C12orf42: variants seen among roughly 807,000 people sequenced by gnomAD.
C12orf42 encodes the protein chromosome 12 open reading frame 42.
C12orf42 carries 25 observed loss-of-function variants against 21.6 expected under a neutral mutation model. The ratio of observed to expected loss-of-function variants is 1.16; its 90% CI spans 0.84 to 1.62. The LOEUF (loss-of-function observed/expected upper bound fraction) is 1.62. Among genes scored for constraint, C12orf42 ranks in the 40% most tolerant of loss-of-function variants. The probability of loss-of-function intolerance (pLI) is 0.00; values close to 1 mark genes in which losing one functional copy is unlikely to be tolerated. For synonymous variants in C12orf42, 174 were observed against 175.0 expected, an observed-to-expected ratio of 0.99 and a Z score of 0.05; for missense variants, 483 against 459.3, an observed-to-expected ratio of 1.05 and a Z score of -0.47.
At chr12:103,501,965 C>T in the C12orf42 span, among the ~76,000 whole-genome samples, 73 of 152,316 alleles carry the variant, frequency 4.8e-4, no homozygotes, top group Non-Finnish European at 6.3e-4. Context: ...AGCTGCGCTA[C>T]ATTGAAAGCA....
chr12:103,489,011 T>G (rs1955016361), intron 1 of C12orf42, among the ~76,000 whole-genome samples: 1 of 152,234 alleles, frequency 6.6e-6, no homozygotes, highest in Non-Finnish European at 1.5e-5. Context: ...CTGCAACACT[T>G]TGGAGGAGAA....
At chr12:103,085,951 C>G in the C12orf42 span, among the ~76,000 whole-genome samples, 2 of 152,304 alleles carry the variant, frequency 1.3e-5, no homozygotes, top group East Asian at 3.9e-4. Flanking sequence ...AAGCTCCATA[C>G]AGAATGGTCT....
At chr12:103,062,672 G>A in the C12orf42 span, among the ~76,000 whole-genome samples, 1 of 152,018 alleles carries the variant, frequency 6.6e-6, no homozygotes, top group Non-Finnish European at 1.5e-5. Context: ...TAAAATTTTT[G>A]TTTGAATTTT....
At chr12:103,148,496 A>G in the C12orf42 span, among the ~76,000 whole-genome samples, 2 of 151,990 alleles carry the variant, frequency 1.3e-5, no homozygotes, top group South Asian at 2.1e-4. Flanking sequence ...ATGATGGTCT[A>G]GTTCAATTTC....
chr12:103,156,791 C>T, the C12orf42 span, among the ~76,000 whole-genome samples: 21 of 152,134 alleles, frequency 1.4e-4, no homozygotes, highest in African/African-American at 4.8e-4. Context: ...CATGTCCCTG[C>T]AAAGGACATG....
the C12orf42 span, among the ~76,000 whole-genome samples, chr12:103,129,016 C>A: frequency 6.6e-6 from 1 of 152,134 alleles, no homozygotes; most frequent in South Asian, 2.1e-4. Context: ...GCCATATCAT[C>A]CAAATTGACC....
chr12:103,495,210 C>G (rs1955440719), intron 1 of C12orf42, among the ~76,000 whole-genome samples: 1 of 138,372 alleles, frequency 7.2e-6, no homozygotes, highest in African/African-American at 2.8e-5. Flanking sequence ...AAATTAACCA[C>G]TTGGGGGGAA....
At chr12:103,281,292 T>C (rs17033659) in intron 4 of C12orf42, among the ~76,000 whole-genome samples, 22,835 of 152,214 alleles carry the variant, frequency 0.15, 1,799 homozygotes, top group South Asian at 0.22. Context: ...CTTGTCTTTC[T>C]ATATAAAATG....
At chr12:103,395,915 T>C (rs1199843507) in intron 3 of C12orf42, among the ~76,000 whole-genome samples, 8 of 148,596 alleles carry the variant, frequency 5.4e-5, no homozygotes, top group African/African-American at 2.0e-4. Flanking sequence ...ATACTACAAA[T>C]GCATTATGTA....
chr12:103,154,618 T>C, the C12orf42 span, among the ~76,000 whole-genome samples: 3 of 151,992 alleles, frequency 2.0e-5, no homozygotes, highest in East Asian at 5.8e-4. Flanking sequence ...CAGACCAAAA[T>C]AATAATAGCA....
At chr12:103,179,390 A>C in the C12orf42 span, among the ~76,000 whole-genome samples, 1 of 152,218 alleles carries the variant, frequency 6.6e-6, no homozygotes, top group Non-Finnish European at 1.5e-5. Context: ...AAGGCAGTGA[A>C]GAATGGGCTG....
At chr12:103,141,515 G>A in the C12orf42 span, among the ~76,000 whole-genome samples, 2 of 145,220 alleles carry the variant, frequency 1.4e-5, no homozygotes, top group East Asian at 2.1e-4. Flanking sequence ...ATAAAGGATC[G>A]ATAAATAATA....
the C12orf42 span, among the ~76,000 whole-genome samples, chr12:103,194,074 ATAT>A: frequency 6.6e-6 from 1 of 152,304 alleles, no homozygotes; most frequent in Non-Finnish European, 1.5e-5. Flanking sequence ...GGATAAAATC[ATAT>A]TATCATCTCA....
At chr12:103,155,671 T>TATACATATGTATATATACACATAC in the C12orf42 span, among the ~76,000 whole-genome samples, 4 of 148,934 alleles carry the variant, frequency 2.7e-5, no homozygotes, top group African/African-American at 7.4e-5. Flanking sequence ...TATACATATA[T>TATACATATGTATATATACACATAC]ATACATACAT....
the C12orf42 span, among the ~76,000 whole-genome samples, chr12:103,063,229 G>A: frequency 5.3e-5 from 8 of 152,130 alleles, no homozygotes; most frequent in African/African-American, 1.4e-4. Context: ...CAGATACAGA[G>A]CCTTAAATCT....
the C12orf42 span, among the ~76,000 whole-genome samples, chr12:103,062,458 C>T: frequency 6.6e-6 from 1 of 151,710 alleles, no homozygotes; most frequent in Non-Finnish European, 1.5e-5. Context: ...TTTGAAGATA[C>T]CATTTTATTT....
the C12orf42 span, among the ~76,000 whole-genome samples, chr12:103,536,824 T>C: frequency 6.6e-6 from 1 of 152,214 alleles, no homozygotes; most frequent in Admixed American, 6.5e-5. Context: ...TGCCACCTCA[T>C]CAGCGAGGCC....
At chr12:103,352,308 G>A (rs12229038) in intron 4 of C12orf42, among the ~76,000 whole-genome samples, 13,039 of 152,214 alleles carry the variant, frequency 0.086, 580 homozygotes, top group East Asian at 0.19. Context: ...GAAGGAAAGA[G>A]GGATGGTGCT....
chr12:103,425,023 G>A (rs1258257917), intron 2 of C12orf42, among the ~76,000 whole-genome samples: 3 of 152,252 alleles, frequency 2.0e-5, no homozygotes, highest in East Asian at 1.9e-4. Flanking sequence ...TCATTACTGA[G>A]GCTTGAGTAG....
Sources: allele counts gnomAD v4.1 joint callset (sites outside exome capture counted in the v4.1 genomes callset), GRCh38; gene constraint gnomAD v4.1.1; transcripts MANE v1.5; gene names NCBI Gene and HGNC (gene_info 2026-07-23, HGNC 2026-07-21).